The following BACH1 variants were observed in gnomAD, a reference collection of about 807,000 sequenced individuals.
The protein encoded by BACH1 is BTB domain and CNC homolog 1.
BACH1 carries 35 observed loss-of-function variants against 52.9 expected under a neutral mutation model. The ratio of observed to expected loss-of-function variants is 0.66; its 90% CI spans 0.51 to 0.88. The LOEUF (loss-of-function observed/expected upper bound fraction) is 0.88, where lower values mean the gene tolerates loss of function less well. BACH1 is among the 40% of genes least tolerant of loss of function. The pLI is 0.00. For missense variants in BACH1, 808 were observed against 872.6 expected (o/e 0.93, Z 0.93); for synonymous variants, 321 against 319.6 (o/e 1.00, Z -0.05).
At chr21:29,317,696 C>T (rs1483421024) in intron 1 of BACH1, among the ~76,000 whole-genome samples, 4 of 152,126 alleles carry the variant, frequency 2.6e-5, no homozygotes, top group African/African-American at 9.7e-5. Flanking sequence ...GAAGAGAATA[C>T]ATTGGAGGGG....
chr21:29,346,003 A>G lies in BACH1; in HGVS notation c.*3170A>G, dbSNP rs2089165311. On this transcript the variant is annotated 3_prime_UTR_variant, in exon 5 of 5. Coordinates refer to ENST00000286800, the MANE Select transcript of BACH1 (RefSeq NM_001186.4). ...TTTGTGTCCATATTTTACTGAGACC[A>G]TGTTTCATTAAAAGCATAGTTTCAT... 1 of 152,648 alleles carries G rather than the reference A, an allele frequency of 6.6e-6. No homozygotes were observed. The highest frequency in any genetic ancestry group is 6.5e-5 in the Admixed American group (1 of 15,274). The allele number at this position is 152,648 out of a possible 1,614,324, so 9.5% of individuals were successfully genotyped here. A position where few individuals can be genotyped will look rare whatever the true frequency, so the allele number is the denominator to read the frequency against.
At chr21:29,325,938 A>T in intron 2 of BACH1, 121 bp from the exon 3 acceptor site, 1 of 1,040,900 alleles carries the variant, frequency 9.6e-7, no homozygotes, top group South Asian at 2.3e-5. Context: ...AAATTAAAGT[A>T]CATATTTTAT....
At chr21:29,301,471 A>G (rs867900947) in intron 1 of BACH1, among the ~76,000 whole-genome samples, 2 of 152,158 alleles carry the variant, frequency 1.3e-5, no homozygotes, top group Admixed American at 1.3e-4. Flanking sequence ...GACTGTTAAT[A>G]TTCCATTTAA....
At chr21:29,302,258 T>A (rs972470455) in intron 1 of BACH1, among the ~76,000 whole-genome samples, 2 of 152,224 alleles carry the variant, frequency 1.3e-5, no homozygotes, top group African/African-American at 4.8e-5. Flanking sequence ...AATGTACCGA[T>A]GGCCAAGGTA....
At chr21:29,341,838 A>C (rs2089116559) in intron 4 of BACH1, among the ~76,000 whole-genome samples, 1 of 152,218 alleles carries the variant, frequency 6.6e-6, no homozygotes, top group Non-Finnish European at 1.5e-5. Flanking sequence ...AATCTGCTCA[A>C]CAAATGCTGG....
intron 4 of BACH1, among the ~76,000 whole-genome samples, chr21:29,340,889 A>G (rs950415974): frequency 5.3e-5 from 8 of 152,184 alleles, no homozygotes; most frequent in African/African-American, 1.9e-4. Context: ...TAAACTTTGC[A>G]TAAGAGAAAA....
intron 2 of BACH1, among the ~76,000 whole-genome samples, chr21:29,324,815 T>G (rs2088891582): frequency 6.6e-6 from 1 of 152,224 alleles, no homozygotes; most frequent in Non-Finnish European, 1.5e-5. Context: ...CATTTTACAT[T>G]CCCACTAGCA....
rs1203134224 is a variant in BACH1, at chr21:29,342,638, A to G, written c.2016A>G (p.Leu672=). ...GELALPSIFS[L]SDRPPAVLPP... ...TGGCGTTACCATCAATTTTCAGTTTATCTGACCGGCCTCCAGCAGTGCTGC... is the reference window on the plus strand; with the variant it reads ...TGGCGTTACCATCAATTTTCAGTTTGTCTGACCGGCCTCCAGCAGTGCTGC... The change falls in exon 5 of 5, where the codon TTA becomes TTG. Residue 672 remains leucine, a synonymous_variant. Coordinates refer to ENST00000286800, the MANE Select transcript of BACH1 (RefSeq NM_001186.4). 2 of 1,614,130 alleles carry G rather than the reference A, an allele frequency of 1.2e-6. No homozygotes were observed. Among genetic ancestry groups the G allele is most frequent in the Non-Finnish European group, 1.7e-6 (2 of 1,180,056 alleles).
intron 1 of BACH1, among the ~76,000 whole-genome samples, chr21:29,314,573 C>A (rs1435501899): frequency 2.6e-5 from 4 of 152,108 alleles, no homozygotes; most frequent in Admixed American, 6.5e-5. Flanking sequence ...TCATGAGCTG[C>A]AAAAATTGTA....
At position 29,321,283 on chromosome 21, in the gene BACH1, GTC is replaced by G. The variant is rs2088844549; in HGVS notation, c.7_8del (p.Leu3GlufsTer2). The G allele has an allele frequency of 1.2e-6, 2 of 1,612,376 alleles. No individual in the cohort carries two copies. The highest frequency in any genetic ancestry group is 1.7e-6 in the Non-Finnish European group (2 of 1,178,372). On this transcript the variant is annotated frameshift_variant, in exon 2 of 5. Coordinates refer to ENST00000286800, the MANE Select transcript of BACH1 (RefSeq NM_001186.4). LOFTEE classifies it high-confidence loss of function. M[S>X]LSENSVFAYE... ...CCCGACAACATTTGTTATGCAGAAT[GTC>G]TCTGAGTGAGAACTCGGTTTTTGCC...
In BACH1 at chr21:29,342,305, T is replaced by C. The variant is rs1406296046; in HGVS notation, c.1777-94T>C. On this transcript the variant is annotated intron_variant, in intron 4 of 4. Coordinates refer to ENST00000286800, the MANE Select transcript of BACH1 (RefSeq NM_001186.4). Reference sequence around the variant, plus strand: ...AGGATAAACTCCATGTGATCTTACTTGATGAGAAGCCCCTGTATATTATTT... The same window carrying C: ...AGGATAAACTCCATGTGATCTTACTCGATGAGAAGCCCCTGTATATTATTT... 13 of 1,240,536 alleles carry C rather than the reference T, an allele frequency of 1.0e-5. No homozygotes were observed. In the Admixed American group the frequency reaches 2.7e-4, roughly 26 times the overall value. The allele number at this position is 1,240,536 out of a possible 1,614,324, so 76.8% of individuals were successfully genotyped here. A position where few individuals can be genotyped will look rare whatever the true frequency, so the allele number is the denominator to read the frequency against.
intron 1 of BACH1, among the ~76,000 whole-genome samples, chr21:29,308,864 C>G (rs1241171851): frequency 6.6e-6 from 1 of 152,184 alleles, no homozygotes; most frequent in Non-Finnish European, 1.5e-5. Flanking sequence ...GTATGTATAA[C>G]TATAGACCTT....
In BACH1 at chr21:29,345,645, ATAAG is replaced by A. The variant is rs2089161409; in HGVS notation, c.*2813_*2816del. 1 of 152,644 alleles carries A rather than the reference ATAAG, an allele frequency of 6.6e-6. No individual in the cohort carries two copies. The highest frequency in any genetic ancestry group is 2.1e-4 in the South Asian group (1 of 4,832). The allele number at this position is 152,644 out of a possible 1,614,324, so 9.5% of individuals were successfully genotyped here. ...TAGCTTACTGCTTAACTAATTTTAA[ATAAG>A]GAAATAAGTATGTTAGATGCAGTAG... On this transcript the variant is annotated 3_prime_UTR_variant, in exon 5 of 5. Coordinates refer to ENST00000286800, the MANE Select transcript of BACH1 (RefSeq NM_001186.4).
Position 29,327,295 on chromosome 21 carries a change from C to A in BACH1, c.1471C>A (p.Pro491Thr). ...DDYVSEPQQE[P>T]CPYACVISLG... ...TTATGTTTCAGAACCCCAGCAAGAA[C>A]CTTGCCCATATGCTTGTGTCATTAG... Residue 491 changes from proline to threonine, a missense_variant, in exon 3 of 5, where the codon CCT (proline) becomes ACT (threonine). Coordinates refer to ENST00000286800, the MANE Select transcript of BACH1 (RefSeq NM_001186.4). 1.2e-6 allele frequency: 2 copies of A among 1,614,174 alleles called. No individual in the cohort carries two copies. Among genetic ancestry groups the A allele is most frequent in the East Asian group, 2.2e-5 (1 of 44,884 alleles).
chr21:29,303,620 G>A (rs2088625480), intron 1 of BACH1, among the ~76,000 whole-genome samples: 1 of 152,162 alleles, frequency 6.6e-6, no homozygotes, highest in African/African-American at 2.4e-5. Flanking sequence ...CTGGAATTAA[G>A]TAATTCTAGT....
chr21:29,317,350 C>A (rs987765859), intron 1 of BACH1, among the ~76,000 whole-genome samples: 5 of 152,146 alleles, frequency 3.3e-5, no homozygotes, highest in African/African-American at 1.2e-4. Flanking sequence ...TGGACCAGGT[C>A]CAACAGGTAT....
rs575135387 is a variant in BACH1, at chr21:29,344,921, C to T, written c.*2088C>T. The T allele has an allele frequency of 6.6e-6, 1 of 152,570 alleles. No individual in the cohort carries two copies. The highest frequency in any genetic ancestry group is 1.5e-5 in the Non-Finnish European group (1 of 68,012). 9.5% of individuals were successfully genotyped at this position (152,570 alleles called of 1,614,324 possible). A position where few individuals can be genotyped will look rare whatever the true frequency, so the allele number is the denominator to read the frequency against. ...TGTACTTGCTTTGAAAGATTACCTACTATTTTATGATAAAATGTAGTTGTC... is the reference window on the plus strand; with the variant it reads ...TGTACTTGCTTTGAAAGATTACCTATTATTTTATGATAAAATGTAGTTGTC... On this transcript the variant is annotated 3_prime_UTR_variant, in exon 5 of 5. Transcript: ENST00000286800.
Position 29,332,156 on chromosome 21 carries a change from G to A in BACH1, c.1776+2463G>A, listed in dbSNP as rs549695789. On this transcript the variant is annotated intron_variant, in intron 4 of 4. Coordinates refer to ENST00000286800, the MANE Select transcript of BACH1 (RefSeq NM_001186.4). ...TCACCGTGTTAGCCAGGATGGTCTC[G>A]ATCTCCTGACCTCGTGATCCGCCCG... 5.9e-5 allele frequency among the ~76,000 whole-genome samples: 9 copies of A among 152,130 alleles called. No individual in the cohort carries two copies. In the East Asian group the frequency reaches 1.7e-3, roughly 29 times the overall value.
chr21:29,342,710 G>T lies in BACH1; in HGVS notation c.2088G>T (p.Gln696His). 6.2e-7 allele frequency: 1 copy of T among 1,614,230 alleles called. No individual in the cohort carries two copies. Among genetic ancestry groups the T allele is most frequent in the Non-Finnish European group, 8.5e-7 (1 of 1,180,048 alleles). The change falls in exon 5 of 5, where the codon CAG becomes CAT. Residue 696 changes from glutamine (Q) to histidine (H), a missense_variant. Coordinates refer to ENST00000286800, the MANE Select transcript of BACH1 (RefSeq NM_001186.4). ...GNSEPGYARG[Q>H]ESQQMSTATS... ...GTGAGCCTGGCTACGCGCGAGGGCAGGAGTCCCAGCAGATGTCCACAGCCA... is the reference window on the plus strand; with the variant it reads ...GTGAGCCTGGCTACGCGCGAGGGCATGAGTCCCAGCAGATGTCCACAGCCA...
Sources: allele counts gnomAD v4.1 joint callset (sites outside exome capture counted in the v4.1 genomes callset), GRCh38; gene constraint gnomAD v4.1.1; transcripts MANE v1.5; gene names NCBI Gene and HGNC (gene_info 2026-07-23, HGNC 2026-07-21).